Variants in RAD51B observed in about 807,000 individuals in gnomAD.
RAD51B encodes DNA repair protein RAD51 homolog 2.
RAD51B carries 38 observed loss-of-function variants against 42.2 expected under a neutral mutation model. The observed-to-expected ratio is 0.90, with a 90% confidence interval of 0.70 to 1.18. The LOEUF is 1.18. Among genes scored for constraint, RAD51B ranks in the 50% most tolerant of loss-of-function variants. RAD51B has a pLI of 0.00. For missense variants in RAD51B, 373 were observed against 400.7 expected (o/e 0.93, Z 0.59); for synonymous variants, 154 against 145.2 (o/e 1.06, Z -0.43).
chr14:68,170,268 G>A (rs1016099481), intron 7 of RAD51B, among the ~76,000 whole-genome samples: 5 of 152,138 alleles, frequency 3.3e-5, no homozygotes, highest in African/African-American at 9.7e-5. Context: ...TGAAAGCAAA[G>A]GCCTCATTTC....
intron 10 of RAD51B, among the ~76,000 whole-genome samples, chr14:68,632,478 C>T (rs569877551): frequency 1.6e-4 from 24 of 152,312 alleles, no homozygotes; most frequent in South Asian, 6.2e-4. Flanking sequence ...GCCATCCAGA[C>T]GGGGACATCC....
intron 7 of RAD51B, among the ~76,000 whole-genome samples, chr14:67,997,704 C>T (rs990600826): frequency 2.6e-5 from 4 of 152,038 alleles, no homozygotes; most frequent in African/African-American, 9.7e-5. Context: ...ACTGTCCTGC[C>T]CTCTCAGCCT....
intron 4 of RAD51B, among the ~76,000 whole-genome samples, chr14:67,850,711 C>T (rs79663900): frequency 0.024 from 3,711 of 152,202 alleles, 75 homozygotes; most frequent in African/African-American, 0.056. Context: ...ACAAATACCC[C>T]TATGTCAAAT....
At chr14:68,444,440 TTGTGTGTG>T (rs3837661) in intron 9 of RAD51B, among the ~76,000 whole-genome samples, 13 of 150,266 alleles carry the variant, frequency 8.7e-5, no homozygotes, top group Admixed American at 2.6e-4. Context: ...GAATTGTGAA[TTGTGTGTG>T]TGTGTGTGTG....
At chr14:68,415,394 C>T (rs1594803981) in intron 9 of RAD51B, among the ~76,000 whole-genome samples, 1 of 152,204 alleles carries the variant, frequency 6.6e-6, no homozygotes, top group East Asian at 1.9e-4. Context: ...TTTGGGCACT[C>T]ATTCATTTGA....
In RAD51B at chr14:67,885,900, A is replaced by G; in HGVS notation, c.484A>G (p.Arg162Gly). The G allele has an allele frequency of 6.2e-7, 1 of 1,609,696 alleles. No individual in the cohort carries two copies. The highest frequency in any genetic ancestry group is 8.5e-7 in the Non-Finnish European group (1 of 1,176,870). ...TGAAATAGCAGAATCCCGTTTTCCC[A>G]GATATTTTAACACTGAAGAAAAGTT... The part of the protein sequence containing the change: ...LVEIAESRFP[R>G]YFNTEEKLLL... Residue 162 changes from arginine (R) to glycine (G), a missense_variant, in exon 6 of 11, where the codon AGA (arginine) becomes GGA (glycine). Coordinates refer to ENST00000471583, the MANE Select transcript of RAD51B (RefSeq NM_133510.4).
chr14:68,221,344 C>G (rs2079921963), intron 7 of RAD51B, among the ~76,000 whole-genome samples: 2 of 152,078 alleles, frequency 1.3e-5, no homozygotes, highest in Admixed American at 1.3e-4. Flanking sequence ...AAAATAGACA[C>G]ATAGACCAAT....
At chr14:67,933,655 T>G (rs2044825852) in intron 7 of RAD51B, among the ~76,000 whole-genome samples, 1 of 152,178 alleles carries the variant, frequency 6.6e-6, no homozygotes, top group Non-Finnish European at 1.5e-5. Context: ...CTTGGCTGAG[T>G]TGGTCACTTG....
intron 8 of RAD51B, among the ~76,000 whole-genome samples, chr14:68,408,403 A>G (rs905151377): frequency 9.2e-5 from 14 of 152,204 alleles, no homozygotes; most frequent in Admixed American, 7.9e-4. Flanking sequence ...GCTAAAATTT[A>G]TGATGTAGAC....
chr14:68,097,220 A>G (rs1294393943), intron 7 of RAD51B, among the ~76,000 whole-genome samples: 1 of 151,940 alleles, frequency 6.6e-6, no homozygotes, highest in African/African-American at 2.4e-5. Flanking sequence ...TTAAGTTCAT[A>G]TTTTTTAGTA....
At chr14:67,893,434 G>A (rs2043280837) in intron 7 of RAD51B, among the ~76,000 whole-genome samples, 3 of 147,206 alleles carry the variant, frequency 2.0e-5, no homozygotes, top group South Asian at 4.3e-4. Flanking sequence ...GTGCAACATA[G>A]CAAGACCTCA....
At chr14:68,116,907 C>T (rs534339814) in intron 7 of RAD51B, among the ~76,000 whole-genome samples, 1 of 152,226 alleles carries the variant, frequency 6.6e-6, no homozygotes, top group Non-Finnish European at 1.5e-5. Flanking sequence ...ATAATGAGCA[C>T]ATTTGAGGAA....
At chr14:68,587,695 G>T (rs1334204786) in intron 10 of RAD51B, among the ~76,000 whole-genome samples, 1 of 152,052 alleles carries the variant, frequency 6.6e-6, no homozygotes, top group Non-Finnish European at 1.5e-5. Flanking sequence ...CTTCTGAGCT[G>T]CACCGAAGCA....
At chr14:68,063,448 T>A (rs2140446508) in intron 7 of RAD51B, among the ~76,000 whole-genome samples, 1 of 152,050 alleles carries the variant, frequency 6.6e-6, no homozygotes, top group South Asian at 2.1e-4. Flanking sequence ...TTTAAAAGTG[T>A]ATGGGGGCTG....
At chr14:68,143,509 C>T (rs945239840) in intron 7 of RAD51B, among the ~76,000 whole-genome samples, 8 of 152,220 alleles carry the variant, frequency 5.3e-5, no homozygotes, top group Admixed American at 1.3e-4. Context: ...TTTCCTGGCC[C>T]GGCTGCCATG....
At chr14:67,937,844 G>C (rs2045012773) in intron 7 of RAD51B, among the ~76,000 whole-genome samples, 1 of 152,100 alleles carries the variant, frequency 6.6e-6, no homozygotes, top group Non-Finnish European at 1.5e-5. Context: ...TTAAAGCTGA[G>C]TTACATTAAG....
At chr14:68,552,408 A>T (rs1481512816) in intron 10 of RAD51B, among the ~76,000 whole-genome samples, 2 of 152,140 alleles carry the variant, frequency 1.3e-5, no homozygotes, top group Admixed American at 1.3e-4. Context: ...CATGTTGACA[A>T]TCAAAAACTC....
chr14:68,016,295 T>C (rs904542538), intron 7 of RAD51B, among the ~76,000 whole-genome samples: 1 of 151,930 alleles, frequency 6.6e-6, no homozygotes, highest in African/African-American at 2.4e-5. Flanking sequence ...TCTCTGGGGG[T>C]AAAAAGCCCC....
In RAD51B at chr14:68,171,217, C is replaced by T. The variant is rs75405578; in HGVS notation, c.757-120667C>T. 9.2e-3 allele frequency among the ~76,000 whole-genome samples: 1,402 copies of T among 152,056 alleles called. 23 individuals carry two copies. The highest frequency in any genetic ancestry group is 0.032 in the African/African-American group (1,325 of 41,520). The stretch of plus-strand genomic sequence containing the variant: ...TTTGTAACTTTAGAGCCTGACAGAA[C>T]AAAAAAGAAATAAGCCATTTCTGTA... On this transcript the variant is annotated intron_variant, in intron 7 of 10. Transcript: ENST00000471583.
Sources: gnomAD v4.1 joint callset for allele counts (sites outside exome capture counted in the v4.1 genomes callset) on GRCh38, gnomAD v4.1.1 for gene constraint, MANE v1.5 for transcripts, NCBI Gene and HGNC (gene_info 2026-07-23, HGNC 2026-07-21) for gene names.